Variants in FOXP1 observed in about 807,000 individuals in gnomAD.
FOXP1 encodes forkhead box protein P1.
A neutral mutation model predicts 98.2 loss-of-function variants in FOXP1; 15 were observed. The ratio of observed to expected loss-of-function variants is 0.15; its 90% CI spans 0.10 to 0.24. The LOEUF (loss-of-function observed/expected upper bound fraction) is 0.24. FOXP1 is among the 10% of genes least tolerant of loss of function. The pLI is 1.00. For missense variants in FOXP1, 633 were observed against 848.5 expected (o/e 0.75, Z 3.15); for synonymous variants, 371 against 314.5 (o/e 1.18, Z -1.90).
chr3:71,359,815 A>G (rs1225113678), intron 3 of FOXP1, among the ~76,000 whole-genome samples: 1 of 152,174 alleles, frequency 6.6e-6, no homozygotes, highest in African/African-American at 2.4e-5. Context: ...TTCCAGACAC[A>G]GTCTTCTTCT....
chr3:71,290,971 C>G (rs1377485027), intron 5 of FOXP1, among the ~76,000 whole-genome samples: 3 of 152,210 alleles, frequency 2.0e-5, no homozygotes, highest in Non-Finnish European at 4.4e-5. Flanking sequence ...CTGACTTGCT[C>G]TCTTTAGAAT....
intron 6 of FOXP1, among the ~76,000 whole-genome samples, chr3:71,113,762 G>T (rs186071540): frequency 0.02 from 386 of 19,616 alleles, 2 homozygotes; most frequent in African/African-American, 0.028. Context: ...TAAAATAAAA[G>T]GTCAAGTAAA....
intron 3 of FOXP1, among the ~76,000 whole-genome samples, chr3:71,430,330 T>C (rs1294820920): frequency 1.3e-5 from 2 of 152,194 alleles, no homozygotes; most frequent in African/African-American, 4.8e-5. Context: ...TGGTGCAGTA[T>C]TGCAAGCCGA....
At chr3:71,176,063 G>A (rs1024530327) in intron 6 of FOXP1, among the ~76,000 whole-genome samples, 14 of 152,330 alleles carry the variant, frequency 9.2e-5, no homozygotes, top group Non-Finnish European at 1.6e-4. Flanking sequence ...GAAGCTGGGT[G>A]AATAATTTCC....
chr3:71,056,209 C>A (rs562565288), intron 7 of FOXP1, among the ~76,000 whole-genome samples: 23 of 152,256 alleles, frequency 1.5e-4, no homozygotes, highest in Admixed American at 5.9e-4. Context: ...TTACATATGT[C>A]TCCTAAAATA....
At position 71,368,707 on chromosome 3, in the gene FOXP1, T is replaced by C. The variant is rs1395937017; in HGVS notation, c.-167-9463A>G. Among the ~76,000 whole-genome samples, 3 of 152,280 alleles carry C rather than the reference T, an allele frequency of 2.0e-5. No homozygotes were observed. The East Asian group carries it at 5.8e-4, about 29-fold the overall frequency. On this transcript the variant is annotated intron_variant, in intron 3 of 20. Coordinates refer to ENST00000649528, the MANE Select transcript of FOXP1 (RefSeq NM_001349338.3). ...AATTCCAATCCCAATTTCACTGGCA[T>C]TTATACAAGTCAGGCCCATGTGACT...
chr3:71,089,251 T>A (rs1374092444), intron 7 of FOXP1, among the ~76,000 whole-genome samples: 7 of 152,156 alleles, frequency 4.6e-5, no homozygotes, highest in Non-Finnish European at 7.3e-5. Context: ...CTTGGATCAC[T>A]CTGGGAAAAG....
chr3:71,558,507 T>G (rs1188109303), intron 2 of FOXP1, among the ~76,000 whole-genome samples: 3 of 151,912 alleles, frequency 2.0e-5, no homozygotes, highest in Admixed American at 2.0e-4. Context: ...GGATTTTTTT[T>G]TTTTTTGAGA....
intron 2 of FOXP1, among the ~76,000 whole-genome samples, chr3:71,558,210 T>G (rs2046277908): frequency 6.6e-6 from 1 of 152,204 alleles, no homozygotes; most frequent in Non-Finnish European, 1.5e-5. Context: ...CACTGCCAGC[T>G]GAACTGCCAG....
At chr3:70,984,794 A>G (rs2107452935) in intron 14 of FOXP1, among the ~76,000 whole-genome samples, 1 of 152,302 alleles carries the variant, frequency 6.6e-6, no homozygotes, top group South Asian at 2.1e-4. Context: ...CAGTTCACCC[A>G]TAAGCTTTCT....
chr3:71,417,261 C>T (rs150278842), intron 3 of FOXP1, among the ~76,000 whole-genome samples: 1 of 152,216 alleles, frequency 6.6e-6, no homozygotes, highest in Non-Finnish European at 1.5e-5. Flanking sequence ...CCCCACCTCA[C>T]CCACCATGAA....
At chr3:71,006,950 G>A (rs925420344) in intron 12 of FOXP1, among the ~76,000 whole-genome samples, 1 of 151,990 alleles carries the variant, frequency 6.6e-6, no homozygotes, top group Non-Finnish European at 1.5e-5. Flanking sequence ...GTGGCACTGG[G>A]CCTGTTATCT....
chr3:70,993,911 T>C (rs527452198), intron 13 of FOXP1, among the ~76,000 whole-genome samples: 1 of 151,298 alleles, frequency 6.6e-6, no homozygotes, highest in Admixed American at 6.6e-5. Flanking sequence ...GGAGAATCGC[T>C]TGAACCCGGG....
chr3:71,541,686 T>TA (rs1008391493), intron 2 of FOXP1, among the ~76,000 whole-genome samples: 85 of 146,028 alleles, frequency 5.8e-4, no homozygotes, highest in East Asian at 4.2e-3. Context: ...CCGAGAGCAT[T>TA]AAAAAAAAAA....
chr3:71,477,390 T>C (rs1577726568), intron 3 of FOXP1, among the ~76,000 whole-genome samples: 1 of 152,220 alleles, frequency 6.6e-6, no homozygotes. Flanking sequence ...AATTGAAGCA[T>C]CATAAAATGA....
At chr3:71,148,207 T>C (rs1243358257) in intron 6 of FOXP1, among the ~76,000 whole-genome samples, 1 of 152,112 alleles carries the variant, frequency 6.6e-6, no homozygotes, top group Non-Finnish European at 1.5e-5. Context: ...CGAAACCTTG[T>C]CTCTATTAAA....
chr3:71,183,760 G>A (rs1276753638), intron 6 of FOXP1, among the ~76,000 whole-genome samples: 1 of 152,170 alleles, frequency 6.6e-6, no homozygotes, highest in Non-Finnish European at 1.5e-5. Flanking sequence ...TCAACTGGCA[G>A]CAAAGAAGAG....
intron 6 of FOXP1, among the ~76,000 whole-genome samples, chr3:71,142,573 C>T (rs1378337897): frequency 6.6e-6 from 1 of 152,234 alleles, no homozygotes; most frequent in Non-Finnish European, 1.5e-5. Context: ...TGGGTAGACT[C>T]TAGATGCTGA....
chr3:71,273,681 A>C (rs1054748110), intron 5 of FOXP1, among the ~76,000 whole-genome samples: 7 of 152,172 alleles, frequency 4.6e-5, no homozygotes, highest in African/African-American at 1.7e-4. Context: ...TAGGGCACTA[A>C]CTGTGCAGCC....
Sources: gnomAD v4.1 joint callset for allele counts (sites outside exome capture counted in the v4.1 genomes callset) on GRCh38, gnomAD v4.1.1 for gene constraint, MANE v1.5 for transcripts, NCBI Gene and HGNC (gene_info 2026-07-23, HGNC 2026-07-21) for gene names.